Variants in ALK observed in about 807,000 individuals in gnomAD.
ALK encodes ALK receptor tyrosine kinase.
A neutral mutation model predicts 163.1 loss-of-function variants in ALK; 74 were observed. The observed-to-expected ratio is 0.45, with a 90% CI of 0.38 to 0.55. The LOEUF is 0.55. Ranked by LOEUF, ALK falls within the 20% of genes least tolerant of loss-of-function variation. ALK has a pLI of 0.00. For synonymous variants in ALK, 960 were observed against 843.2 expected, an observed-to-expected ratio of 1.14 and a Z score of -2.40; for missense variants, 2,063 against 2,105.3, an observed-to-expected ratio of 0.98 and a Z score of 0.39.
intron 1 of ALK, among the ~76,000 whole-genome samples, chr2:29,776,872 G>T (rs539176596): frequency 6.6e-6 from 1 of 152,290 alleles, no homozygotes; most frequent in African/African-American, 2.4e-5. Context: ...TCAAGTCCTA[G>T]AAGCTAAGAA....
chr2:29,235,001 C>G (rs184947343), intron 13 of ALK, among the ~76,000 whole-genome samples: 1 of 152,374 alleles, frequency 6.6e-6, no homozygotes, highest in Admixed American at 6.5e-5. Context: ...GCGTGAGCCA[C>G]CGTGCCCAGC....
intron 8 of ALK, among the ~76,000 whole-genome samples, chr2:29,304,267 G>A (rs1238651403): frequency 1.3e-5 from 2 of 152,148 alleles, no homozygotes; most frequent in Non-Finnish European, 2.9e-5. Context: ...GGAGGCTGAG[G>A]TGGGCAGATC....
At chr2:29,537,336 C>T (rs1205354085) in intron 3 of ALK, among the ~76,000 whole-genome samples, 1 of 152,254 alleles carries the variant, frequency 6.6e-6, no homozygotes, top group Non-Finnish European at 1.5e-5. Context: ...TGTTGCCCTG[C>T]TCAGCCTCAT....
At chr2:29,204,756 A>G (rs1004388208) in intron 26 of ALK, among the ~76,000 whole-genome samples, 3 of 152,076 alleles carry the variant, frequency 2.0e-5, no homozygotes, top group African/African-American at 7.2e-5. Flanking sequence ...TGCCCAGCTA[A>G]ATTTTGTGTT....
intron 1 of ALK, among the ~76,000 whole-genome samples, chr2:29,772,208 T>C (rs959408777): frequency 5.9e-5 from 9 of 152,108 alleles, no homozygotes; most frequent in African/African-American, 2.2e-4. Context: ...GAGTCTGAGG[T>C]TGACACAGTG....
chr2:29,573,245 T>C (rs1674429531), intron 3 of ALK, among the ~76,000 whole-genome samples: 1 of 152,196 alleles, frequency 6.6e-6, no homozygotes, highest in African/African-American at 2.4e-5. Context: ...TGATTACCTG[T>C]TGCTTGATGC....
At chr2:29,239,126 T>C (rs1664455515) in intron 13 of ALK, among the ~76,000 whole-genome samples, 1 of 152,218 alleles carries the variant, frequency 6.6e-6, no homozygotes, top group South Asian at 2.1e-4. Context: ...CTAAGCTTAC[T>C]CCTGTCGTTT....
At chr2:29,633,664 T>C (rs1411216850) in intron 3 of ALK, among the ~76,000 whole-genome samples, 8 of 151,750 alleles carry the variant, frequency 5.3e-5, no homozygotes, top group Non-Finnish European at 1.2e-4. Context: ...ACAATTAACA[T>C]ACCTCTAGCT....
At chr2:29,733,174 A>G (rs1286344738) in intron 1 of ALK, among the ~76,000 whole-genome samples, 2 of 152,200 alleles carry the variant, frequency 1.3e-5, no homozygotes, top group Admixed American at 6.5e-5. Flanking sequence ...GGCACTAGGA[A>G]CAAGAGTAAC....
intron 5 of ALK, among the ~76,000 whole-genome samples, chr2:29,332,285 CAAAAAAAAAAAAAAAAAAAAAAA>C (rs57598066): frequency 2.2e-4 from 4 of 18,330 alleles, no homozygotes; most frequent in East Asian, 1.8e-3. Context: ...GACTCCATCT[CAAAAAAAAAAAAAAAAAAAAAAA>C]AAAAAAAAAA....
intron 1 of ALK, among the ~76,000 whole-genome samples, chr2:29,870,725 G>A (rs1666557349): frequency 6.6e-6 from 1 of 152,168 alleles, no homozygotes; most frequent in South Asian, 2.1e-4. Context: ...AAAAGTCTAA[G>A]AAGATGTACC....
In ALK at chr2:29,275,462, C is replaced by T. The variant is rs1573183907; in HGVS notation, c.1852G>A (p.Gly618Arg). 1.9e-6 allele frequency: 3 copies of T among 1,614,154 alleles called. No homozygotes were observed. The highest frequency in any genetic ancestry group is 2.5e-6 in the Non-Finnish European group (3 of 1,180,026). Residue 618 changes from glycine to arginine, a missense_variant, in exon 10 of 29, where the codon GGA becomes AGA. By Grantham distance (125) the Gly-to-Arg change is moderately radical. Around this residue, in one of 5 missense-constraint regions of ALK, gnomAD observed 987 missense variants for 939.5 expected, o/e 1.05. Transcript: ENST00000389048. The stretch of plus-strand genomic sequence containing the variant: ...TCAAAAGCCACGATGGCTCTGGATC[C>T]TTGTCCCCACCATGCGACCATCTGC... ...WLQMVAWWGQ[G>R]SRAIVAFDNI...
intron 28 of ALK, among the ~76,000 whole-genome samples, chr2:29,196,292 A>C (rs919110360): frequency 3.3e-5 from 5 of 152,252 alleles, no homozygotes; most frequent in African/African-American, 1.2e-4. Context: ...ATGATGTTAA[A>C]ATTTCTCCAG....
intron 1 of ALK, among the ~76,000 whole-genome samples, chr2:29,781,421 T>C (rs1188356101): frequency 6.6e-6 from 1 of 152,108 alleles, no homozygotes; most frequent in African/African-American, 2.4e-5. Flanking sequence ...CCATCCTCCT[T>C]GCATGGGCCT....
At position 29,847,656 on chromosome 2, in the gene ALK, C is replaced by T. The variant is rs147517180; in HGVS notation, c.667+72337G>A. ...CAAGAGCCCTAGATTGAAAAAAGAA[C>T]GGGAAAATAGGTGGATTTTCCTCTG... is the stretch of plus-strand genomic sequence containing the variant. On this transcript the variant is annotated intron_variant, in intron 1 of 28. Coordinates refer to ENST00000389048, the MANE Select transcript of ALK (RefSeq NM_004304.5). Among the ~76,000 whole-genome samples the T allele has an allele frequency of 1.7e-3, 262 of 152,120 alleles. 2 individuals carry two copies. The highest frequency in any genetic ancestry group is 5.7e-3 in the African/African-American group (236 of 41,502).
At chr2:29,421,754 C>T (rs550678043) in intron 4 of ALK, among the ~76,000 whole-genome samples, 1 of 151,602 alleles carries the variant, frequency 6.6e-6, no homozygotes, top group Non-Finnish European at 1.5e-5. Context: ...CTCCTAAGTG[C>T]CAGCCACTGG....
chr2:29,748,875 A>G (rs2148329598), intron 1 of ALK, among the ~76,000 whole-genome samples: 1 of 152,108 alleles, frequency 6.6e-6, no homozygotes, highest in Non-Finnish European at 1.5e-5. Context: ...CCTCCCAAGT[A>G]GTTGGGATTA....
Position 29,460,474 on chromosome 2 carries a change from T to C in ALK, c.1154+71441A>G, listed in dbSNP as rs540265889. 3.9e-5 allele frequency among the ~76,000 whole-genome samples: 6 copies of C among 152,316 alleles called. No homozygotes were observed. In the East Asian group the frequency reaches 9.6e-4, roughly 24 times the overall value. Reference sequence around the variant, plus strand: ...GGCAGCCCTGCATAGAGTAAGTCTATTGGCACCATATTTTCCAGCAGTGTG... The same window carrying C: ...GGCAGCCCTGCATAGAGTAAGTCTACTGGCACCATATTTTCCAGCAGTGTG... On this transcript the variant is annotated intron_variant, in intron 4 of 28. Transcript: ENST00000389048.
At chr2:29,520,867 T>C (rs7578465) in intron 4 of ALK, among the ~76,000 whole-genome samples, 62,992 of 151,854 alleles carry the variant, frequency 0.41, 15,009 homozygotes, top group Non-Finnish European at 0.55. Context: ...AGGGATCCCC[T>C]AAAGGATTTG....
Sources: allele counts gnomAD v4.1 joint callset (sites outside exome capture counted in the v4.1 genomes callset), GRCh38; gene constraint gnomAD v4.1.1; regional missense constraint gnomAD v4.1.1; transcripts MANE v1.5; gene names NCBI Gene and HGNC (gene_info 2026-07-23, HGNC 2026-07-21).